The following ZNF518A variants were observed in gnomAD, a reference collection of about 807,000 sequenced individuals.
The protein encoded by ZNF518A is zinc finger protein 518A, also known as zinc finger protein 518.
A neutral mutation model predicts 102.7 loss-of-function variants in ZNF518A; 47 were observed. That is an observed-to-expected ratio of 0.46 (90% confidence interval 0.36 to 0.58). The LOEUF is 0.58. Ranked by LOEUF, ZNF518A falls within the 20% of genes least tolerant of loss-of-function variation. The probability of loss-of-function intolerance (pLI) is 0.00; values close to 1 mark genes in which losing one functional copy is unlikely to be tolerated. For missense variants in ZNF518A, 1,793 were observed against 1,699.8 expected (o/e 1.05, Z -0.96); for synonymous variants, 652 against 594.6 (o/e 1.10, Z -1.40).
chr10:96,156,739 T>C lies in ZNF518A; in HGVS notation c.417T>C (p.Phe139=), dbSNP rs782151440. 9.9e-6 allele frequency: 16 copies of C among 1,613,794 alleles called. No homozygotes were observed. Among genetic ancestry groups the C allele is most frequent in the Admixed American group, 6.7e-5 (4 of 60,010 alleles). The change falls in exon 6 of 6, where the codon TTT becomes TTC. Residue 139 remains phenylalanine, a synonymous_variant. Transcript: ENST00000316045. ...RYSPNDLQKH[F]QMWHHGELPS... is the part of the protein sequence containing the mutation. The stretch of plus-strand genomic sequence containing the variant: ...GCCCAAATGATTTGCAGAAACACTT[T>C]CAAATGTGGCACCATGGCGAATTAC...
chr10:96,192,882 AGTG>A (rs1337161653), intron 1 of ZNF518A, among the ~76,000 whole-genome samples: 1 of 152,232 alleles, frequency 6.6e-6, no homozygotes, highest in Non-Finnish European at 1.5e-5. Flanking sequence ...ACTTTTTAAA[AGTG>A]GTGATTGTTT....
In ZNF518A at chr10:96,157,041, A is replaced by G. The variant is rs782093020; in HGVS notation, c.719A>G (p.His240Arg). Reference sequence around the variant, plus strand: ...ATTCATTATAAGTGTGGTAAATGTCATCATGTATGTTTTACCAAAGGAGAG... The same window carrying G: ...ATTCATTATAAGTGTGGTAAATGTCGTCATGTATGTTTTACCAAAGGAGAG... ...NEIHYKCGKCHHVCFTKGELQ... is the reference protein window; with the variant it reads ...NEIHYKCGKCRHVCFTKGELQ... The change falls in exon 6 of 6, where the codon CAT (histidine) becomes CGT (arginine). Residue 240 changes from histidine to arginine, a missense_variant. His to Arg is a conservative substitution (Grantham distance 29). Transcript: ENST00000316045. 7.4e-6 allele frequency: 12 copies of G among 1,613,594 alleles called. No homozygotes were observed. In the African/African-American group the frequency reaches 9.3e-5, roughly 13 times the overall value.
intron 3 of ZNF518A, among the ~76,000 whole-genome samples, chr10:96,136,329 C>G (rs782268302): frequency 2.0e-5 from 3 of 149,948 alleles, no homozygotes; most frequent in Non-Finnish European, 4.5e-5. Context: ...ACTTGGAATG[C>G]CGATTTATAA....
At chr10:96,199,712 G>A (rs1258308461) in intron 1 of ZNF518A, among the ~76,000 whole-genome samples, 3 of 152,146 alleles carry the variant, frequency 2.0e-5, no homozygotes, top group Admixed American at 6.5e-5. Flanking sequence ...AGGGCAAAAC[G>A]TGTGATTTAA....
Position 96,160,218 on chromosome 10 carries a change from G to A in ZNF518A, c.3896G>A (p.Cys1299Tyr), listed in dbSNP as rs1300508211. 7 of 1,612,208 alleles carry A rather than the reference G, an allele frequency of 4.3e-6. No individual in the cohort carries two copies. Among genetic ancestry groups the A allele is most frequent in the Non-Finnish European group, 5.9e-6 (7 of 1,179,170 alleles). Residue 1299 changes from cysteine (C) to tyrosine (Y), a missense_variant, in exon 6 of 6, where the codon TGT becomes TAT. By Grantham distance (194) the Cys-to-Tyr change is radical. Coordinates refer to ENST00000316045, the MANE Select transcript of ZNF518A (RefSeq NM_001330736.2). ...PRRKATLHRK[C>Y]KEKAKPEDVR... ...AGAAAAGCAACATTGCATAGAAAGT[G>A]TAAAGAAAAGGCAAAACCTGAAGAT...
At chr10:96,190,141 T>C (rs2083305877) in intron 1 of ZNF518A, 2 of 976,476 alleles carry the variant, frequency 2.0e-6, no homozygotes, top group East Asian at 4.8e-5. Context: ...GTGATCATCT[T>C]TGTCGGCCTT....
chr10:96,144,434 T>C (rs944509707), intron 3 of ZNF518A, among the ~76,000 whole-genome samples: 2 of 152,236 alleles, frequency 1.3e-5, no homozygotes, highest in Admixed American at 1.3e-4. Context: ...TAAGTGATAC[T>C]GATATATCCA....
At chr10:96,130,960 A>G (rs2081305503) in intron 1 of ZNF518A, 2 of 152,252 alleles carry the variant, frequency 1.3e-5, no homozygotes, top group East Asian at 3.8e-4. Flanking sequence ...TCTTAAGTGG[A>G]CCGATCAAAC....
At position 96,160,795 on chromosome 10, in the gene ZNF518A, A is replaced by G. The variant is rs112335610; in HGVS notation, c.*21A>G. On this transcript the variant is annotated 3_prime_UTR_variant, in exon 6 of 6. Transcript: ENST00000316045. Reference sequence around the variant, plus strand: ...AATAGTTTACCATAATTACCAAGGAAAAGAAAAGTAAAATTACCTTAGAAG... The same window carrying G: ...AATAGTTTACCATAATTACCAAGGAGAAGAAAAGTAAAATTACCTTAGAAG... The G allele has an allele frequency of 6.7e-6, 10 of 1,503,582 alleles. No homozygotes were observed. The African/African-American group carries it at 1.1e-4, about 17-fold the overall frequency. 93.1% of individuals were successfully genotyped at this position (1,503,582 alleles called of 1,614,324 possible).
At position 96,155,353 on chromosome 10, in the gene ZNF518A, G is replaced by A. The variant is rs1372884013; in HGVS notation, c.-274G>A. 3 of 152,178 alleles carry A rather than the reference G, an allele frequency of 2.0e-5. No homozygotes were observed. Among genetic ancestry groups the A allele is most frequent in the African/African-American group, 7.2e-5 (3 of 41,436 alleles). 9.4% of individuals were successfully genotyped at this position (152,178 alleles called of 1,614,324 possible). On this transcript the variant is annotated 5_prime_UTR_variant, in exon 4 of 6. Coordinates refer to ENST00000316045, the MANE Select transcript of ZNF518A (RefSeq NM_001330736.2). ...GAAGGAACTGAGACACAGAGGTTGA[G>A]ACTTGTCTAAAGTAACATGACCAGT...
At chr10:96,204,179 A>C, downstream of ZNF518A, 1 of 1,351,178 alleles carries the variant, frequency 7.4e-7, no homozygotes, top group South Asian at 1.2e-5. Flanking sequence ...GTGAACAGGC[A>C]CATCACAAAT....
chr10:96,150,127 A>G (rs2082359436), intron 3 of ZNF518A, among the ~76,000 whole-genome samples: 1 of 150,890 alleles, frequency 6.6e-6, no homozygotes, highest in African/African-American at 2.4e-5. Context: ...GATCGAGACC[A>G]TCCTGGCTAA....
chr10:96,135,843 T>G (rs2081572026), intron 3 of ZNF518A, among the ~76,000 whole-genome samples: 1 of 152,184 alleles, frequency 6.6e-6, no homozygotes, highest in Non-Finnish European at 1.5e-5. Flanking sequence ...GAATGCACAG[T>G]TGTATTTTAA....
intron 1 of ZNF518A, chr10:96,192,231 T>A: frequency 8.3e-7 from 1 of 1,209,990 alleles, no homozygotes; most frequent in Non-Finnish European, 1.2e-6. Context: ...AAATCTAGTT[T>A]AACAAAGGCT....
intron 1 of ZNF518A, among the ~76,000 whole-genome samples, chr10:96,187,472 T>G (rs2075657786): frequency 6.6e-6 from 1 of 152,240 alleles, no homozygotes; most frequent in East Asian, 1.9e-4. Context: ...TCTGGGACTT[T>G]CTTTTAGGCA....
rs781816575 is a variant in ZNF518A, at chr10:96,159,324, G to A, written c.3002G>A (p.Arg1001His). Residue 1001 changes from arginine to histidine, a missense_variant, in exon 6 of 6, where the codon CGT (arginine) becomes CAT (histidine). Transcript: ENST00000316045. ...SAVKTEGAPA[R>H]GTVTKEPCKT... The stretch of plus-strand genomic sequence containing the variant: ...GTCAAAACCGAGGGTGCCCCAGCTC[G>A]TGGAACTGTGACTAAGGAGCCTTGC... 12 of 1,613,592 alleles carry A rather than the reference G, an allele frequency of 7.4e-6. No individual in the cohort carries two copies. Among genetic ancestry groups the A allele is most frequent in the South Asian group, 2.2e-5 (2 of 91,026 alleles).
chr10:96,187,090 T>C (rs2083276082), intron 1 of ZNF518A, among the ~76,000 whole-genome samples: 1 of 152,244 alleles, frequency 6.6e-6, no homozygotes. Flanking sequence ...TCTCAAAGAA[T>C]TTTGTAACTA....
chr10:96,135,859 T>A (rs1236806262), intron 3 of ZNF518A, among the ~76,000 whole-genome samples: 1 of 152,170 alleles, frequency 6.6e-6, no homozygotes, highest in Non-Finnish European at 1.5e-5. Context: ...TTTAAGTGAA[T>A]TTTGATGGGA....
chr10:96,184,481 T>C (rs1554892335), intron 1 of ZNF518A, among the ~76,000 whole-genome samples: 2 of 152,242 alleles, frequency 1.3e-5, no homozygotes, highest in South Asian at 2.1e-4. Context: ...TCAGGAGCTC[T>C]TGTAAGGCAG....
Sources: gnomAD v4.1 joint callset for allele counts (sites outside exome capture counted in the v4.1 genomes callset) on GRCh38, gnomAD v4.1.1 for gene constraint, MANE v1.5 for transcripts, NCBI Gene and HGNC (gene_info 2026-07-23, HGNC 2026-07-21) for gene names.